The following TAFA1 variants were observed in gnomAD, a reference collection of about 807,000 sequenced individuals.
TAFA1 encodes the protein chemokine-like protein TAFA-1.
In TAFA1, 4 loss-of-function variants were observed where a neutral mutation model predicts 18.5. That is an observed-to-expected ratio of 0.22 (90% CI 0.11 to 0.49). The LOEUF (loss-of-function observed/expected upper bound fraction) is 0.49. Among genes scored for constraint, TAFA1 ranks in the 20% least tolerant of loss-of-function variants. The pLI, the probability that TAFA1 is intolerant of heterozygous loss-of-function variation, is 0.98. For synonymous variants in TAFA1, 56 were observed against 55.2 expected (o/e 1.01, Z -0.06); for missense variants, 147 against 169.0 (o/e 0.87, Z 0.72).
At chr3:68,393,921 AAAGC>A (rs202061126) in intron 2 of TAFA1, among the ~76,000 whole-genome samples, 1,993 of 152,342 alleles carry the variant, frequency 0.013, 46 homozygotes, top group African/African-American at 0.046. Flanking sequence ...AGAAAGGGCA[AAAGC>A]TGGAAGCATT....
chr3:68,084,202 T>A (rs1000544530), intron 2 of TAFA1, among the ~76,000 whole-genome samples: 1 of 152,246 alleles, frequency 6.6e-6, no homozygotes, highest in Non-Finnish European at 1.5e-5. Context: ...TGGAGGAATA[T>A]AGGTGTGGCA....
intron 2 of TAFA1, among the ~76,000 whole-genome samples, chr3:68,394,975 G>A (rs1313816772): frequency 6.6e-6 from 1 of 152,092 alleles, no homozygotes; most frequent in East Asian, 1.9e-4. Flanking sequence ...AAAGAGCTCT[G>A]CCCATCAGAA....
intron 2 of TAFA1, among the ~76,000 whole-genome samples, chr3:68,255,981 T>C (rs896484487): frequency 1.3e-5 from 2 of 152,128 alleles, no homozygotes; most frequent in Non-Finnish European, 2.9e-5. Context: ...CTAATAATTG[T>C]TTCCTTTCAG....
intron 2 of TAFA1, among the ~76,000 whole-genome samples, chr3:68,279,778 T>C (rs1003956158): frequency 6.6e-6 from 1 of 152,196 alleles, no homozygotes; most frequent in Non-Finnish European, 1.5e-5. Flanking sequence ...AGATACTAGC[T>C]AGGTTTGTAA....
chr3:68,527,473 T>C (rs1035230122), intron 3 of TAFA1, among the ~76,000 whole-genome samples: 16 of 152,304 alleles, frequency 1.1e-4, no homozygotes, highest in African/African-American at 3.8e-4. Flanking sequence ...TAGCCTTTTA[T>C]ATCATAATAT....
At chr3:68,021,003 T>C (rs995895371) in intron 2 of TAFA1, among the ~76,000 whole-genome samples, 1 of 151,706 alleles carries the variant, frequency 6.6e-6, no homozygotes. Flanking sequence ...CTGGCCAACA[T>C]GGTGAAACCC....
chr3:68,293,043 T>TA (rs5849813), intron 2 of TAFA1, among the ~76,000 whole-genome samples: 86,581 of 150,520 alleles, frequency 0.58, 25,417 homozygotes, highest in East Asian at 0.88. Context: ...AGGATGACTT[T>TA]AAAAAAAAAA....
chr3:68,424,481 G>A (rs1373249075), intron 3 of TAFA1, among the ~76,000 whole-genome samples: 1 of 151,926 alleles, frequency 6.6e-6, no homozygotes, highest in Non-Finnish European at 1.5e-5. Context: ...AATAAAATTT[G>A]ACAGATGTAA....
At chr3:68,269,200 T>C (rs1465641952) in intron 2 of TAFA1, among the ~76,000 whole-genome samples, 1 of 152,148 alleles carries the variant, frequency 6.6e-6, no homozygotes, top group Non-Finnish European at 1.5e-5. Context: ...ACTCCTGTAA[T>C]CCCAGTGCTT....
chr3:68,250,105 C>T (rs544045568), intron 2 of TAFA1, among the ~76,000 whole-genome samples: 12 of 152,232 alleles, frequency 7.9e-5, no homozygotes, highest in South Asian at 4.1e-4. Context: ...AGTAACTATA[C>T]GCTCTCATCA....
intron 2 of TAFA1, among the ~76,000 whole-genome samples, chr3:68,413,208 A>C (rs895327387): frequency 1.3e-5 from 2 of 152,062 alleles, no homozygotes; most frequent in Non-Finnish European, 2.9e-5. Context: ...TCCTTTGCCC[A>C]CTTTTTGATG....
intron 2 of TAFA1, among the ~76,000 whole-genome samples, chr3:68,018,870 T>G (rs1704623161): frequency 6.6e-6 from 1 of 152,228 alleles, no homozygotes; most frequent in South Asian, 2.1e-4. Context: ...TGGCTCGGTT[T>G]ACTGAGTGCT....
chr3:68,497,038 G>T (rs1235289213), intron 3 of TAFA1, among the ~76,000 whole-genome samples: 2 of 152,060 alleles, frequency 1.3e-5, no homozygotes, highest in Non-Finnish European at 2.9e-5. Context: ...AAAGAAAATG[G>T]CCACTTGGTA....
At chr3:68,326,677 G>C (rs926346735) in intron 2 of TAFA1, among the ~76,000 whole-genome samples, 6 of 152,150 alleles carry the variant, frequency 3.9e-5, no homozygotes, top group African/African-American at 1.4e-4. Context: ...AATTATCATG[G>C]CAGAAGGAAA....
At position 68,305,377 on chromosome 3, in the gene TAFA1, C is replaced by CTATA. The variant is rs1236252185; in HGVS notation, c.119-111895_119-111892dup. On this transcript the variant is annotated intron_variant, in intron 2 of 4. Transcript: ENST00000478136. The stretch of plus-strand genomic sequence containing the variant: ...ATAATATATGACTATATATAAATGG[C>CTATA]TATATATATATGACTATATATGACT... 1.4e-4 allele frequency among the ~76,000 whole-genome samples: 13 copies of CTATA among 94,270 alleles called. 1 individual carries two copies. The highest frequency in any genetic ancestry group is 5.3e-4 in the African/African-American group (13 of 24,650). The allele number at this position is 94,270 out of a possible 152,430, so 61.8% of individuals were successfully genotyped here. A position where few individuals can be genotyped will look rare whatever the true frequency, so the allele number is the denominator to read the frequency against.
chr3:68,337,858 ATCT>A (rs2069001442), intron 2 of TAFA1, among the ~76,000 whole-genome samples: 1 of 152,140 alleles, frequency 6.6e-6, no homozygotes. Flanking sequence ...CCATTTGCCG[ATCT>A]TCTCTCTTCC....
chr3:67,994,595 AG>A, the TAFA1 span, among the ~76,000 whole-genome samples: 1 of 152,236 alleles, frequency 6.6e-6, no homozygotes, highest in Non-Finnish European at 1.5e-5. Flanking sequence ...GATTCAAAAA[AG>A]GACATTTCCC....
chr3:68,137,191 A>G (rs903682288), intron 2 of TAFA1, among the ~76,000 whole-genome samples: 1 of 152,174 alleles, frequency 6.6e-6, no homozygotes, highest in African/African-American at 2.4e-5. Flanking sequence ...AAAGCAAAAC[A>G]AAAAAACCTC....
chr3:68,245,931 A>C (rs565289440), intron 2 of TAFA1, among the ~76,000 whole-genome samples: 2 of 152,332 alleles, frequency 1.3e-5, no homozygotes, highest in South Asian at 4.1e-4. Flanking sequence ...AGGGTAATAA[A>C]GCGGGTATGG....
Sources: gnomAD v4.1 joint callset for allele counts (sites outside exome capture counted in the v4.1 genomes callset) on GRCh38, gnomAD v4.1.1 for gene constraint, MANE v1.5 for transcripts, NCBI Gene and HGNC (gene_info 2026-07-23, HGNC 2026-07-21) for gene names.